ZNF619: variants seen among roughly 807,000 people sequenced by gnomAD.
ZNF619 encodes zinc finger protein 619.
ZNF619 carries 9 observed loss-of-function variants against 14.2 expected under a neutral mutation model. The observed-to-expected ratio is 0.64, with a 90% CI of 0.38 to 1.11. The LOEUF is 1.11. Ranked by LOEUF, ZNF619 falls within the 50% of genes least tolerant of loss-of-function variation. The pLI is 0.01. For missense variants in ZNF619, 659 were observed against 680.1 expected (o/e 0.97, Z 0.34); for synonymous variants, 246 against 252.8 (o/e 0.97, Z 0.26).
rs1188092445 is a variant in ZNF619, at chr3:40,487,359, T to C, written c.849T>C (p.Gly283=). The change falls in exon 5 of 5, where the codon GGT becomes GGC. Residue 283 remains glycine (G), a synonymous_variant. Coordinates refer to ENST00000432264, the MANE Select transcript of ZNF619 (RefSeq NM_001145093.4). ...TTCTTCAGCATCAGAAGCTCCATGG[T>C]GGACAGAGGCCCTATGAATGTACTG... ...SHLLQHQKLH[G]GQRPYECTDC... 1 of 1,614,222 alleles carries C rather than the reference T, an allele frequency of 6.2e-7. No individual in the cohort carries two copies. The highest frequency in any genetic ancestry group is 1.7e-5 in the Admixed American group (1 of 60,026).
chr3:40,490,553 G>T lies in ZNF619; in HGVS notation c.*2312G>T, dbSNP rs895707623. ...TGGGTCCACTTATGGACTTTCTTCT[G>T]CCTCTGTCACCCCTGAGATGGCAAG... On this transcript the variant is annotated 3_prime_UTR_variant, in exon 5 of 5. Coordinates refer to ENST00000432264, the MANE Select transcript of ZNF619 (RefSeq NM_001145093.4). 6.6e-6 allele frequency among the ~76,000 whole-genome samples: 1 copy of T among 152,090 alleles called. No homozygotes were observed. Among genetic ancestry groups the T allele is most frequent in the Non-Finnish European group, 1.5e-5 (1 of 68,014 alleles).
chr3:40,488,414 C>T lies in ZNF619; in HGVS notation c.*173C>T. The T allele has an allele frequency of 3.5e-6, 2 of 575,698 alleles. No homozygotes were observed. Among genetic ancestry groups the T allele is most frequent in the Non-Finnish European group, 6.1e-6 (2 of 327,196 alleles). 35.7% of individuals were successfully genotyped at this position (575,698 alleles called of 1,614,324 possible). On this transcript the variant is annotated 3_prime_UTR_variant, in exon 5 of 5. Coordinates refer to ENST00000432264, the MANE Select transcript of ZNF619 (RefSeq NM_001145093.4). ...CATGTTTGATTAGTTTCTTTTATCC[C>T]CCGGTAGGAAATGGCAGTACTTATT...
chr3:40,487,386 CTG>C lies in ZNF619; in HGVS notation c.879_880del (p.Cys293TrpfsTer2). The C allele has an allele frequency of 2.5e-6, 4 of 1,614,188 alleles. No individual in the cohort carries two copies. The highest frequency in any genetic ancestry group is 3.4e-6 in the Non-Finnish European group (4 of 1,180,048). On this transcript the variant is annotated frameshift_variant, in exon 5 of 5. Transcript: ENST00000432264. LOFTEE classifies it low-confidence loss of function (END_TRUNC). ...GACAGAGGCCCTATGAATGTACTGA[CTG>C]TGGTAAAACCTTCAGTTATAATTCA... is the stretch of plus-strand genomic sequence containing the variant. ...GGQRPYECTD[C>X]GKTFSYNSKL...
Position 40,477,998 on chromosome 3 carries a change from T to G in ZNF619, c.19T>G (p.Phe7Val), listed in dbSNP as rs1191402751. 7 of 1,553,736 alleles carry G rather than the reference T, an allele frequency of 4.5e-6. No homozygotes were observed. The South Asian group carries it at 4.7e-5, about 11-fold the overall frequency. MLQTVW[F>V]QGLGRNLLFQ... ...ATCAGCCATGCTCCAGACAGTGTGG[T>G]TCCAGGTGAGCAGAGCTTTCTTTCA... Residue 7 changes from phenylalanine (F) to valine (V), a missense_variant, in exon 2 of 5, where the codon TTC (phenylalanine) becomes GTC (valine). By Grantham distance (50) the Phe-to-Val change is conservative. Coordinates refer to ENST00000432264, the MANE Select transcript of ZNF619 (RefSeq NM_001145093.4).
At position 40,490,924 on chromosome 3, in the gene ZNF619, T is replaced by C. The variant is rs138362463; in HGVS notation, c.*2683T>C. ...GAAGGGAGACCTGAGCTGACATGCA[T>C]GCTCTTGCCATCTTGCCATGTGATG... On this transcript the variant is annotated 3_prime_UTR_variant, in exon 5 of 5. Transcript: ENST00000432264. 1.8e-3 allele frequency among the ~76,000 whole-genome samples: 278 copies of C among 152,290 alleles called. 1 individual carries two copies. The highest frequency in any genetic ancestry group is 6.5e-3 in the African/African-American group (270 of 41,568).
intron 4 of ZNF619, among the ~76,000 whole-genome samples, chr3:40,483,498 C>T (rs1697475893): frequency 6.6e-6 from 1 of 152,038 alleles, no homozygotes; most frequent in South Asian, 2.1e-4. Flanking sequence ...ACTGTGCTGG[C>T]CAGGCTGGTC....
intron 4 of ZNF619, chr3:40,483,681 T>C (rs1484401735): frequency 2.2e-6 from 1 of 449,886 alleles, no homozygotes; most frequent in Admixed American, 2.4e-5. Flanking sequence ...CAGGCTGGAG[T>C]GCAATGGCGT....
chr3:40,478,913 T>G (rs1697290430), intron 2 of ZNF619, among the ~76,000 whole-genome samples: 1 of 152,190 alleles, frequency 6.6e-6, no homozygotes, highest in South Asian at 2.1e-4. Context: ...TGTGGGGGTA[T>G]GCTGTGCTCT....
intron 2 of ZNF619, among the ~76,000 whole-genome samples, chr3:40,478,904 G>A (rs1697289908): frequency 6.6e-6 from 1 of 152,200 alleles, no homozygotes; most frequent in South Asian, 2.1e-4. Flanking sequence ...GAAGTGTGCT[G>A]TGGGGGTATG....
chr3:40,478,107 C>T (rs1022141087), intron 2 of ZNF619, 104 bp downstream of exon 2: 15 of 1,106,092 alleles, frequency 1.4e-5, no homozygotes, highest in Admixed American at 2.4e-5. Context: ...GTTTTACATC[C>T]TTCAATAAAG....
At chr3:40,483,185 G>A (rs1271842562) in intron 4 of ZNF619, among the ~76,000 whole-genome samples, 1 of 152,258 alleles carries the variant, frequency 6.6e-6, no homozygotes, top group East Asian at 1.9e-4. Context: ...CTCCAGCCTG[G>A]GTGACAGAGT....
At position 40,490,304 on chromosome 3, in the gene ZNF619, T is replaced by C. The variant is rs1429971927; in HGVS notation, c.*2063T>C. ...AAGACAGAATATTGATAGCCATAAG[T>C]AGGTTTGCTGCTCTGACATTTACAT... On this transcript the variant is annotated 3_prime_UTR_variant, in exon 5 of 5. Transcript: ENST00000432264. 1 of 152,228 alleles carries C rather than the reference T, an allele frequency of 6.6e-6. No individual in the cohort carries two copies. Among genetic ancestry groups the C allele is most frequent in the East Asian group, 1.9e-4 (1 of 5,204 alleles). The allele number at this position is 152,228 out of a possible 1,614,324, so 9.4% of individuals were successfully genotyped here.
At chr3:40,482,411 T>G in intron 3 of ZNF619, 177 bp from the exon 4 acceptor site, 1 of 1,598,840 alleles carries the variant, frequency 6.3e-7, no homozygotes. Flanking sequence ...TTCTGTCCTC[T>G]TAGAGGCCAG....
chr3:40,484,987 C>A (rs1396288808), intron 4 of ZNF619, among the ~76,000 whole-genome samples: 1 of 152,024 alleles, frequency 6.6e-6, no homozygotes, highest in Non-Finnish European at 1.5e-5. Context: ...AAGATAGGGT[C>A]TTGTTATTTT....
rs1697676666 is a variant in ZNF619, at chr3:40,487,957, C to T, written c.1447C>T (p.Leu483Phe). The part of the protein sequence containing the change: ...QHQKWHTRKK[L>F]INGTGLSAVK... ...TCAGAAGTGGCATACTAGGAAGAAA[C>T]TCATCAATGGAACAGGGCTATCCGC... Residue 483 changes from leucine (L) to phenylalanine (F), a missense_variant, in exon 5 of 5, where the codon CTC becomes TTC. Transcript: ENST00000432264. The T allele has an allele frequency of 1.9e-6, 3 of 1,614,076 alleles. No individual in the cohort carries two copies. Among genetic ancestry groups the T allele is most frequent in the Non-Finnish European group, 2.5e-6 (3 of 1,180,044 alleles).
intron 2 of ZNF619, among the ~76,000 whole-genome samples, chr3:40,480,708 G>A (rs371088620): frequency 6.6e-6 from 1 of 152,064 alleles, no homozygotes; most frequent in Admixed American, 6.6e-5. Context: ...CAGCATGTTA[G>A]CCAGGATGGT....
In ZNF619 at chr3:40,487,442, C is replaced by A. The variant is rs776754875; in HGVS notation, c.932C>A (p.Thr311Asn). ...CTGATTCGGCATCAGAGAATCCATA[C>A]TGGGGAGAAGCCCTTTAAATGTAAG... ...SKLIRHQRIH[T>N]GEKPFKCKEC... Residue 311 changes from threonine to asparagine, a missense_variant, in exon 5 of 5, where the codon ACT becomes AAT. Thr to Asn is a moderately conservative substitution (Grantham distance 65, BLOSUM62 0). Transcript: ENST00000432264. 1 of 1,614,182 alleles carries A rather than the reference C, an allele frequency of 6.2e-7. No homozygotes were observed. Among genetic ancestry groups the A allele is most frequent in the Non-Finnish European group, 8.5e-7 (1 of 1,180,036 alleles).
rs765868565 is a variant in ZNF619, at chr3:40,488,930, A to T, written c.*689A>T. 4 of 152,208 alleles carry T rather than the reference A, an allele frequency of 2.6e-5. No homozygotes were observed. The highest frequency in any genetic ancestry group is 4.4e-5 in the Non-Finnish European group (3 of 68,088). The allele number at this position is 152,208 out of a possible 1,614,324, so 9.4% of individuals were successfully genotyped here. A position where few individuals can be genotyped will look rare whatever the true frequency, so the allele number is the denominator to read the frequency against. On this transcript the variant is annotated 3_prime_UTR_variant, in exon 5 of 5. Transcript: ENST00000432264. ...CTGCCTCAGTCTCCCAAGTGCTGGG[A>T]TTACAGGCATGAGCCACTGCATCTG...
At position 40,482,591 on chromosome 3, in the gene ZNF619, C is replaced by A. The variant is rs1254309168; in HGVS notation, c.182C>A (p.Ala61Glu). The A allele has an allele frequency of 6.2e-7, 1 of 1,613,932 alleles. No individual in the cohort carries two copies. Among genetic ancestry groups the A allele is most frequent in the Non-Finnish European group, 8.5e-7 (1 of 1,179,992 alleles). Reference sequence around the variant, plus strand: ...GTTCCTTTTCTTTCTCCTGTAGCAGCATTTCCATTCCCCAAACCAGATCTG... The same window carrying A: ...GTTCCTTTTCTTTCTCCTGTAGCAGAATTTCCATTCCCCAAACCAGATCTG... Reference protein sequence around the residue: ...ENYANVTSLSAFPFPKPDLIF... With the variant: ...ENYANVTSLSEFPFPKPDLIF... Residue 61 changes from alanine (A) to glutamate (E), a missense_variant, in exon 4 of 5, where the codon GCA becomes GAA. Transcript: ENST00000432264.
Sources: gnomAD v4.1 joint callset for allele counts (sites outside exome capture counted in the v4.1 genomes callset) on GRCh38, gnomAD v4.1.1 for gene constraint, MANE v1.5 for transcripts, NCBI Gene and HGNC (gene_info 2026-07-23, HGNC 2026-07-21) for gene names.